The following ACBD5 variants were observed in gnomAD, a reference collection of about 807,000 sequenced individuals.
ACBD5 encodes acyl-CoA binding domain containing 5.
A neutral mutation model predicts 71.8 loss-of-function variants in ACBD5; 40 were observed. The ratio of observed to expected loss-of-function variants is 0.56; its 90% CI spans 0.43 to 0.72. The LOEUF (loss-of-function observed/expected upper bound fraction) is 0.72, where lower values mean the gene tolerates loss of function less well. ACBD5 is among the 30% of genes least tolerant of loss of function. The pLI is 0.00. For missense variants in ACBD5, 559 were observed against 644.5 expected, an observed-to-expected ratio of 0.87 and a Z score of 1.44; for synonymous variants, 229 against 218.6, an observed-to-expected ratio of 1.05 and a Z score of -0.42.
chr10:27,224,708 T>G (rs1377495042), intron 4 of ACBD5, among the ~76,000 whole-genome samples: 1 of 152,308 alleles, frequency 6.6e-6, no homozygotes, highest in Middle Eastern at 3.4e-3. Flanking sequence ...TAAAGTCAGC[T>G]CTGTGTGTGC....
intron 13 of ACBD5, chr10:27,186,652 T>G: frequency 1.0e-6 from 1 of 989,020 alleles, no homozygotes; most frequent in East Asian, 2.4e-5. Context: ...CCTAGTTCAA[T>G]GTGCTTTTAA....
chr10:27,211,134 C>T (rs2061034253), intron 8 of ACBD5, 53 bp from the exon 9 acceptor site: 1 of 1,579,240 alleles, frequency 6.3e-7, no homozygotes. Flanking sequence ...AATTATACAC[C>T]ACAAAGTTTT....
intron 12 of ACBD5, among the ~76,000 whole-genome samples, chr10:27,200,234 C>T (rs1353011627): frequency 1.3e-5 from 2 of 152,116 alleles, no homozygotes; most frequent in Non-Finnish European, 2.9e-5. Context: ...CTAAAACCCA[C>T]CAAAACCAAG....
chr10:27,183,912 G>A (rs2058475410), intron 13 of ACBD5, among the ~76,000 whole-genome samples: 1 of 151,996 alleles, frequency 6.6e-6, no homozygotes, highest in Admixed American at 6.6e-5. Context: ...GGGTTTTGCT[G>A]TGTTGCCCAG....
intron 7 of ACBD5, among the ~76,000 whole-genome samples, chr10:27,217,145 C>CAA (rs375519969): frequency 0.14 from 11,501 of 83,032 alleles, 1,300 homozygotes; most frequent in East Asian, 0.26. Context: ...GACTCTGTCT[C>CAA]AAAAAAAAAA....
rs185741672 is a variant in ACBD5 at position 27,183,202 on chromosome 10, A to G, written c.1494-487T>C. On this transcript the variant is annotated intron_variant, in intron 13 of 13. Transcript: ENST00000676511. ...TATATACCACTCAGTAGTTTTCTCA[A>G]TGCAGGAGTATATTAAGCCCTAATT... Among the ~76,000 whole-genome samples, 126 of 152,276 alleles carry G rather than the reference A, an allele frequency of 8.3e-4. 1 individual carries two copies. Among genetic ancestry groups the G allele is most frequent in the Middle Eastern group, 3.4e-3 (1 of 294 alleles).
intron 11 of ACBD5, 123 bp from the exon 12 acceptor site, chr10:27,204,672 G>C: frequency 1.4e-6 from 1 of 720,418 alleles, no homozygotes; most frequent in Non-Finnish European, 2.5e-6. Flanking sequence ...CACTCCTGCT[G>C]AAAGAAGAAA....
At chr10:27,207,956 A>G (rs1419173760) in intron 10 of ACBD5, among the ~76,000 whole-genome samples, 1 of 152,176 alleles carries the variant, frequency 6.6e-6, no homozygotes, top group Admixed American at 6.5e-5. Context: ...TCTGGTCTCA[A>G]ACTCCTGAAC....
At chr10:27,229,406 A>G (rs1347167140) in intron 4 of ACBD5, among the ~76,000 whole-genome samples, 1 of 151,898 alleles carries the variant, frequency 6.6e-6, no homozygotes, top group Non-Finnish European at 1.5e-5. Context: ...CCTGGCCAAC[A>G]TGGTGAAACC....
intron 8 of ACBD5, among the ~76,000 whole-genome samples, chr10:27,212,579 CTT>C (rs398045942): frequency 1.4e-4 from 19 of 132,636 alleles, no homozygotes; most frequent in Admixed American, 1.5e-4. Flanking sequence ...ATTTATGCTG[CTT>C]TTTTTTTTTT....
chr10:27,194,356 A>G (rs1241034850), downstream of ACBD5, among the ~76,000 whole-genome samples: 1 of 151,822 alleles, frequency 6.6e-6, no homozygotes, highest in African/African-American at 2.4e-5. Context: ...CACGCCTGTA[A>G]TCCCAGCACT....
At chr10:27,184,678 A>T (rs959412128) in intron 13 of ACBD5, among the ~76,000 whole-genome samples, 2 of 143,192 alleles carry the variant, frequency 1.4e-5, no homozygotes, top group African/African-American at 2.6e-5. Flanking sequence ...CTCCTGCCTC[A>T]GCCTCCCAAA....
downstream of ACBD5, among the ~76,000 whole-genome samples, chr10:27,194,627 T>TAAG (rs1490682841): frequency 4.8e-4 from 68 of 142,670 alleles, no homozygotes; most frequent in African/African-American, 1.6e-3. Flanking sequence ...ATAATAATAA[T>TAAG]AATAATAATA....
At chr10:27,210,474 C>T (rs1406911215) in intron 9 of ACBD5, among the ~76,000 whole-genome samples, 1 of 152,012 alleles carries the variant, frequency 6.6e-6, no homozygotes. Context: ...TTAAATTAGT[C>T]AGGCGGCCGG....
chr10:27,217,137 C>A (rs2061729814), intron 7 of ACBD5, among the ~76,000 whole-genome samples: 1 of 91,152 alleles, frequency 1.1e-5, no homozygotes, highest in Non-Finnish European at 2.0e-5. Flanking sequence ...CAGAGCGAGA[C>A]TCTGTCTCAA....
In ACBD5 at chr10:27,195,454, T is replaced by A; in HGVS notation, c.*1976A>T. ...AATGGTTATCCCTAGGAGTTAGTTATCCCAGACTGCTTGTAATGATTCACA... is the reference window on the plus strand; with the variant it reads ...AATGGTTATCCCTAGGAGTTAGTTAACCCAGACTGCTTGTAATGATTCACA... On this transcript the variant is annotated 3_prime_UTR_variant, in exon 13 of 13. Transcript: ENST00000396271. The A allele has an allele frequency of 2.2e-6, 1 of 454,468 alleles. No homozygotes were observed. Among genetic ancestry groups the A allele is most frequent in the Non-Finnish European group, 4.4e-6 (1 of 226,780 alleles). 28.2% of individuals were successfully genotyped at this position (454,468 alleles called of 1,614,324 possible).
chr10:27,240,866 G>T, upstream of ACBD5: 2 of 939,212 alleles, frequency 2.1e-6, no homozygotes, highest in Middle Eastern at 3.2e-4. This position sits in a 1 kb window ranked among gnomAD's most constrained non-coding sequence, Gnocchi z 4.1. Context: ...CGCCGCCGCC[G>T]CAGCAGCAGT....
chr10:27,220,691 A>C (rs1164074563), intron 5 of ACBD5, among the ~76,000 whole-genome samples: 2 of 152,220 alleles, frequency 1.3e-5, no homozygotes, highest in Non-Finnish European at 2.9e-5. Flanking sequence ...ATTGACATGC[A>C]GATTCTAAAA....
At chr10:27,240,938 C>G (rs1460702281), upstream of ACBD5, 6 of 604,524 alleles carry the variant, frequency 9.9e-6, no homozygotes, top group East Asian at 1.7e-4. The surrounding 1 kb of genome is among the most constrained non-coding windows in gnomAD (Gnocchi z 4.1). Flanking sequence ...CCGTCTGTCC[C>G]CAGAGGAGGG....
Sources: gnomAD v4.1 joint callset for allele counts (sites outside exome capture counted in the v4.1 genomes callset) on GRCh38, gnomAD v4.1.1 for gene constraint, Gnocchi (gnomAD v3.1) non-coding constraint, MANE v1.5 for transcripts, NCBI Gene and HGNC (gene_info 2026-07-23, HGNC 2026-07-21) for gene names.